Variants in XYLB observed in about 807,000 individuals in gnomAD.
The protein encoded by XYLB is xylulokinase.
In XYLB, 62 loss-of-function variants were observed where a neutral mutation model predicts 78.7. That is an observed-to-expected ratio of 0.79 (90% CI 0.64 to 0.97). The LOEUF (loss-of-function observed/expected upper bound fraction) is 0.97, where lower values mean the gene tolerates loss of function less well. Ranked by LOEUF, XYLB falls within the 50% of genes least tolerant of loss-of-function variation. The pLI is 0.00. For synonymous variants in XYLB, 245 were observed against 247.4 expected (o/e 0.99, Z 0.09); for missense variants, 687 against 676.8 (o/e 1.02, Z -0.17).
downstream of XYLB, among the ~76,000 whole-genome samples, chr3:38,418,366 C>T (rs868212627): frequency 1.3e-5 from 2 of 152,160 alleles, no homozygotes; most frequent in Middle Eastern, 3.4e-3. Flanking sequence ...GTATACATTT[C>T]TGGTAGGAGT....
the XYLB span, among the ~76,000 whole-genome samples, chr3:38,430,866 G>A: frequency 2.0e-5 from 3 of 152,146 alleles, no homozygotes; most frequent in East Asian, 1.9e-4. Context: ...GATAGTTGTA[G>A]ATATGTGGTG....
intron 15 of XYLB, among the ~76,000 whole-genome samples, chr3:38,391,200 C>T (rs905678686): frequency 6.7e-6 from 1 of 150,192 alleles, no homozygotes; most frequent in Non-Finnish European, 1.5e-5. Context: ...GGAGACAGAG[C>T]GAGACTTCAT....
chr3:38,366,827 T>C lies in XYLB; in HGVS notation c.527T>C (p.Ile176Thr), dbSNP rs377306222. Residue 176 changes from isoleucine to threonine, a missense_variant, in exon 7 of 19, where the codon ATT becomes ACT. By Grantham distance (89) the Ile-to-Thr change is moderately conservative. Coordinates refer to ENST00000207870, the MANE Select transcript of XYLB (RefSeq NM_005108.4). ...RAYERFTGNQ[I>T]AKIYQQNPEA... ...TTCCAGCGTTTTACAGGGAACCAAA[T>C]TGCAAAAATTTACCAGCAGAACCCC... The C allele has an allele frequency of 1.9e-4, 308 of 1,613,306 alleles. No homozygotes were observed. The highest frequency in any genetic ancestry group is 2.5e-4 in the Non-Finnish European group (297 of 1,179,418).
At chr3:38,395,396 G>C in intron 15 of XYLB, 109 bp from the exon 16 acceptor site, 1 of 906,080 alleles carries the variant, frequency 1.1e-6, no homozygotes, top group South Asian at 1.4e-5. Context: ...ATAAGTGGGA[G>C]GCATTGGCCC....
chr3:38,378,074 A>G (rs1254338748), intron 14 of XYLB, among the ~76,000 whole-genome samples: 1 of 152,208 alleles, frequency 6.6e-6, no homozygotes, highest in Non-Finnish European at 1.5e-5. Flanking sequence ...TCTGTCTGGA[A>G]ACTGTAACTG....
chr3:38,420,280 A>C (rs984168154), exon 18 of XYLB, among the ~76,000 whole-genome samples: 3 of 152,170 alleles, frequency 2.0e-5, no homozygotes, highest in African/African-American at 7.2e-5. Context: ...ATCTGTAAGC[A>C]TTTTATTTCA....
intron 4 of XYLB, 119 bp downstream of exon 4, chr3:38,363,136 C>G (rs548586737): frequency 2.9e-6 from 2 of 682,806 alleles, no homozygotes; most frequent in Admixed American, 3.9e-5. Context: ...AGCCACTGCA[C>G]AAATTTCACT....
chr3:38,381,750 A>C (rs196374), intron 15 of XYLB, among the ~76,000 whole-genome samples: 53,861 of 151,962 alleles, frequency 0.35, 10,849 homozygotes, highest in South Asian at 0.49. Flanking sequence ...CCACCTAATA[A>C]ATTTTGGTCA....
At chr3:38,404,232 C>T (rs1262282327) in intron 18 of XYLB, among the ~76,000 whole-genome samples, 5 of 152,162 alleles carry the variant, frequency 3.3e-5, no homozygotes, top group African/African-American at 1.2e-4. Context: ...TAAAGGGTCA[C>T]CTGTTATCTT....
At chr3:38,448,177 C>A in the XYLB span, among the ~76,000 whole-genome samples, 1 of 149,584 alleles carries the variant, frequency 6.7e-6, no homozygotes, top group East Asian at 2.0e-4. Context: ...TATGTGGAAA[C>A]TAAAATATTT....
intron 10 of XYLB, among the ~76,000 whole-genome samples, chr3:38,372,965 G>T (rs1706653668): frequency 6.6e-6 from 1 of 152,070 alleles, no homozygotes; most frequent in Non-Finnish European, 1.5e-5. Context: ...CCCCATCTTA[G>T]CTCCGACTCT....
rs775355338 is a variant in XYLB at position 38,395,496 on chromosome 3, C to T, written c.1292-9C>T. The T allele has an allele frequency of 6.2e-7, 1 of 1,614,098 alleles. No homozygotes were observed. Among genetic ancestry groups the T allele is most frequent in the East Asian group, 2.2e-5 (1 of 44,872 alleles). ...CATAGCTATTTTACTTTTTTCTTTT[C>T]CCTTGCAGTGTCCAAGACAAAGATT... On this transcript the variant is annotated splice_polypyrimidine_tract_variant and intron_variant, in intron 15 of 18. Transcript: ENST00000207870.
intron 18 of XYLB, among the ~76,000 whole-genome samples, chr3:38,407,985 A>G (rs1388223768): frequency 3.9e-5 from 6 of 152,306 alleles, no homozygotes; most frequent in African/African-American, 1.4e-4. Flanking sequence ...CGAGACAGAA[A>G]GTTAACAAGG....
In XYLB at chr3:38,370,125, C is replaced by A. The variant is rs139592452; in HGVS notation, c.716C>A (p.Pro239His). ...CAGGCTTGCCTTGGTGCCTGTGCAC[C>A]TCATTTAGAGGAGAAGCTTAGCCCA... Reference protein sequence around the residue: ...WSQACLGACAPHLEEKLSPPV... With the variant: ...WSQACLGACAHHLEEKLSPPV... Residue 239 changes from proline (P) to histidine (H), a missense_variant, in exon 9 of 19, where the codon CCT becomes CAT. Pro to His is a moderately conservative substitution (Grantham distance 77, BLOSUM62 -2). Coordinates refer to ENST00000207870, the MANE Select transcript of XYLB (RefSeq NM_005108.4). 233 of 1,613,974 alleles carry A rather than the reference C, an allele frequency of 1.4e-4. No individual in the cohort carries two copies. Among genetic ancestry groups the A allele is most frequent in the Non-Finnish European group, 2.0e-4 (232 of 1,180,012 alleles).
the XYLB span, among the ~76,000 whole-genome samples, chr3:38,448,952 C>A: frequency 0.42 from 64,384 of 151,924 alleles, 15,914 homozygotes; most frequent in Non-Finnish European, 0.57. Flanking sequence ...GAGGCTCGCC[C>A]ACACAGCTTT....
exon 18 of XYLB, among the ~76,000 whole-genome samples, chr3:38,420,640 A>G (rs1708947434): frequency 6.6e-6 from 1 of 152,194 alleles, no homozygotes; most frequent in Non-Finnish European, 1.5e-5. Flanking sequence ...TGAAAACTCA[A>G]TTTACATAAA....
Position 38,395,548 on chromosome 3 carries a change from T to C in XYLB, c.1335T>C (p.Asn445=), listed in dbSNP as rs1310610892. Residue 445 remains asparagine, a synonymous_variant, in exon 16 of 19, where the codon AAT becomes AAC. Coordinates refer to ENST00000207870, the MANE Select transcript of XYLB (RefSeq NM_005108.4). ...TGGCCACAGGAGGAGCATCTCACAA[T>C]AGAGAAATCTTACAGGTAAGCGTTA... ...KILATGGASH[N]REILQVLADV... 3 of 1,614,152 alleles carry C rather than the reference T, an allele frequency of 1.9e-6. No homozygotes were observed. Among genetic ancestry groups the C allele is most frequent in the African/African-American group, 2.7e-5 (2 of 75,034 alleles).
At chr3:38,379,928 G>T (rs1208976035) in intron 15 of XYLB, among the ~76,000 whole-genome samples, 1 of 152,184 alleles carries the variant, frequency 6.6e-6, no homozygotes, top group Admixed American at 6.5e-5. Context: ...AGAAGTCCAA[G>T]GTTGAGGGGC....
At chr3:38,431,640 G>T in the XYLB span, among the ~76,000 whole-genome samples, 2 of 152,154 alleles carry the variant, frequency 1.3e-5, no homozygotes, top group Non-Finnish European at 2.9e-5. Context: ...GTTTTCAAAG[G>T]GTATGCTTCC....
Sources: gnomAD v4.1 joint callset for allele counts (sites outside exome capture counted in the v4.1 genomes callset) on GRCh38, gnomAD v4.1.1 for gene constraint, MANE v1.5 for transcripts, NCBI Gene and HGNC (gene_info 2026-07-23, HGNC 2026-07-21) for gene names.